Variants in VWDE observed in about 807,000 individuals in gnomAD.
VWDE encodes von Willebrand factor D and EGF domain-containing protein.
VWDE carries 207 observed loss-of-function variants against 178.4 expected under a neutral mutation model. The ratio of observed to expected loss-of-function variants is 1.16; its 90% CI spans 1.04 to 1.30. The LOEUF (loss-of-function observed/expected upper bound fraction) is 1.30. Among genes scored for constraint, VWDE ranks in the 50% most tolerant of loss-of-function variants. The pLI is 0.00. For synonymous variants in VWDE, 738 were observed against 651.4 expected (o/e 1.13, Z -2.02); for missense variants, 2,287 against 1,901.3 (o/e 1.20, Z -3.77).
In VWDE at chr7:12,379,649, T is replaced by G. The variant is rs6949836; in HGVS notation, c.790-83A>C. On this transcript the variant is annotated intron_variant, in intron 5 of 28. Transcript: ENST00000275358. ...AATTATCACTTTTAAAATCCTAAAT[T>G]TAATTCTTCATAGATAGTATATAAA... 9.6e-5 allele frequency: 92 copies of G among 956,628 alleles called. No individual in the cohort carries two copies. In the African/African-American group the frequency reaches 1.4e-3, roughly 14 times the overall value. 59.3% of individuals were successfully genotyped at this position (956,628 alleles called of 1,614,324 possible).
intron 28 of VWDE, among the ~76,000 whole-genome samples, chr7:12,331,423 C>T (rs1193068036): frequency 2.0e-5 from 3 of 152,106 alleles, no homozygotes; most frequent in Admixed American, 6.6e-5. Flanking sequence ...GTGATTCCAT[C>T]GTGGCAAAAT....
At chr7:12,332,607 T>C (rs1384942525) in intron 28 of VWDE, among the ~76,000 whole-genome samples, 1 of 152,184 alleles carries the variant, frequency 6.6e-6, no homozygotes, top group African/African-American at 2.4e-5. Context: ...CTCAAGCTTT[T>C]ATTTTTATTT....
chr7:12,376,696 C>T (rs1381619400), intron 7 of VWDE, among the ~76,000 whole-genome samples: 4 of 151,958 alleles, frequency 2.6e-5, no homozygotes, highest in Non-Finnish European at 4.4e-5. Context: ...TCAAATAGTC[C>T]GAGAGAGGGT....
chr7:12,335,903 G>C (rs1407938047), intron 27 of VWDE, among the ~76,000 whole-genome samples: 1 of 152,080 alleles, frequency 6.6e-6, no homozygotes, highest in Admixed American at 6.5e-5. Flanking sequence ...GTAATCCACA[G>C]ACCATAATTT....
At chr7:12,387,942 A>T (rs570534303) in intron 3 of VWDE, among the ~76,000 whole-genome samples, 1 of 152,306 alleles carries the variant, frequency 6.6e-6, no homozygotes, top group African/African-American at 2.4e-5. Context: ...AAATGTTAAC[A>T]TATTACAAAG....
intron 3 of VWDE, among the ~76,000 whole-genome samples, chr7:12,386,806 A>T (rs1338985845): frequency 6.6e-6 from 1 of 152,146 alleles, no homozygotes; most frequent in Admixed American, 6.6e-5. Flanking sequence ...TGCAATTTAT[A>T]ATTGCATGAA....
chr7:12,394,946 A>AGG (rs1784555305), intron 1 of VWDE, among the ~76,000 whole-genome samples: 1 of 152,198 alleles, frequency 6.6e-6, no homozygotes, highest in Non-Finnish European at 1.5e-5. Context: ...CTAATTTACA[A>AGG]GTGGATCTCA....
At chr7:12,357,235 C>T (rs910275347) in intron 17 of VWDE, 30 bp downstream of exon 17, 4 of 1,540,926 alleles carry the variant, frequency 2.6e-6, no homozygotes, top group Non-Finnish European at 8.8e-7. Flanking sequence ...CAAAAGAATC[C>T]AGTGGCACTT....
intron 1 of VWDE, among the ~76,000 whole-genome samples, chr7:12,402,850 G>A (rs1784971319): frequency 6.6e-6 from 1 of 151,972 alleles, no homozygotes; most frequent in Non-Finnish European, 1.5e-5. Flanking sequence ...ACTATACCCT[G>A]GACTGCTATA....
At position 12,343,196 on chromosome 7, in the gene VWDE, GTTA is replaced by G; in HGVS notation, c.4079-21_4079-19del. 2 of 1,524,232 alleles carry G rather than the reference GTTA, an allele frequency of 1.3e-6. No homozygotes were observed. The highest frequency in any genetic ancestry group is 1.8e-6 in the Non-Finnish European group (2 of 1,125,914). 94.4% of individuals were successfully genotyped at this position (1,524,232 alleles called of 1,614,324 possible). A position where few individuals can be genotyped will look rare whatever the true frequency, so the allele number is the denominator to read the frequency against. On this transcript the variant is annotated intron_variant, in intron 21 of 28. Transcript: ENST00000275358. ...ACAATGTTCTGCAGAAACAGATTATGTTATTATGTCAGTTCTTAATTTTTAAAA... is the reference window on the plus strand; with the variant it reads ...ACAATGTTCTGCAGAAACAGATTATGTTATGTCAGTTCTTAATTTTTAAAA...
intron 27 of VWDE, among the ~76,000 whole-genome samples, chr7:12,334,287 T>G (rs1290940950): frequency 6.6e-6 from 1 of 152,182 alleles, no homozygotes; most frequent in Admixed American, 6.5e-5. Flanking sequence ...AAATTTTGTT[T>G]TTAAACAACA....
intron 3 of VWDE, among the ~76,000 whole-genome samples, chr7:12,387,756 A>C (rs1784175652): frequency 6.6e-6 from 1 of 152,138 alleles, no homozygotes; most frequent in Admixed American, 6.5e-5. Context: ...TTACCCATAT[A>C]ATCATCATTG....
intron 28 of VWDE, among the ~76,000 whole-genome samples, chr7:12,331,577 T>A (rs940105098): frequency 2.0e-5 from 3 of 152,170 alleles, no homozygotes; most frequent in African/African-American, 7.2e-5. Context: ...CCTCTTTCTA[T>A]TCCTCTATTG....
chr7:12,370,660 A>G lies in VWDE; in HGVS notation c.1792T>C (p.Trp598Arg), dbSNP rs1438170870. 1 of 1,550,564 alleles carries G rather than the reference A, an allele frequency of 6.4e-7. No individual in the cohort carries two copies. Among genetic ancestry groups the G allele is most frequent in the East Asian group, 2.4e-5 (1 of 40,910 alleles). Reference sequence around the variant, plus strand: ...AGTGGAAAAATAGTGTCTTACCTCCATTCATTAATAAAAGCAACATAATTG... The same window carrying G: ...AGTGGAAAAATAGTGTCTTACCTCCGTTCATTAATAAAAGCAACATAATTG... The part of the protein sequence containing the change: ...FNNYVAFINE[W>R]RILPGKSMSD... The change falls in exon 11 of 29, where the codon TGG becomes CGG. Residue 598 changes from tryptophan (W) to arginine (R), a missense_variant. Transcript: ENST00000275358.
At chr7:12,380,771 A>G in intron 4 of VWDE, 38 bp from the exon 5 acceptor site, 10 of 1,546,388 alleles carry the variant, frequency 6.5e-6, no homozygotes, top group Non-Finnish European at 8.7e-6. Flanking sequence ...TGGGAATCTT[A>G]GACAATGGAG....
Position 12,370,401 on chromosome 7 carries a change from G to C in VWDE, c.1905C>G (p.Ser635=). 1 of 1,548,954 alleles carries C rather than the reference G, an allele frequency of 6.5e-7. No individual in the cohort carries two copies. The highest frequency in any genetic ancestry group is 8.7e-7 in the Non-Finnish European group (1 of 1,146,800). ...CSLDTAAYPS[S]EDLDSVSRSE... ...ATCGAGAAACACTGTCCAGATCTTC[G>C]GAAGACGGATACGCTGCAGTGTCCA... The change falls in exon 12 of 29, where the codon TCC becomes TCG. Residue 635 remains serine (S), a synonymous_variant. Transcript: ENST00000275358.
chr7:12,344,258 T>G lies in VWDE; in HGVS notation c.4015A>C (p.Lys1339Gln). Residue 1339 changes from lysine (K) to glutamine (Q), a missense_variant, in exon 21 of 29, where the codon AAA (lysine) becomes CAA (glutamine). Coordinates refer to ENST00000275358, the MANE Select transcript of VWDE (RefSeq NM_001135924.3). Reference sequence around the variant, plus strand: ...TGACAAATGTTAGGCTTAATACATTTTCCATGGTTTTTGCAATCAGGGTCA... The same window carrying G: ...TGACAAATGTTAGGCTTAATACATTGTCCATGGTTTTTGCAATCAGGGTCA... The part of the protein sequence containing the change: ...LCDPDCKNHG[K>Q]CIKPNICQCL... 6.4e-7 allele frequency: 1 copy of G among 1,551,212 alleles called. No individual in the cohort carries two copies. Among genetic ancestry groups the G allele is most frequent in the Admixed American group, 2.0e-5 (1 of 50,952 alleles).
intron 10 of VWDE, among the ~76,000 whole-genome samples, chr7:12,371,992 T>G (rs529186403): frequency 9.9e-4 from 150 of 152,178 alleles, no homozygotes; most frequent in African/African-American, 3.4e-3. Flanking sequence ...TAGGTGCAGG[T>G]TATATATGAT....
Position 12,340,401 on chromosome 7 carries a change from G to C in VWDE, c.4287C>G (p.Val1429=). ...TATTACACGAACCACCATTGAGGCA[G>C]ACAGGGTCGCACAAAGCTAATAAAC... The part of the protein sequence containing the change: ...PTCSTALCDP[V]CLNGGSCNKP... The change falls in exon 24 of 29, where the codon GTC becomes GTG. Residue 1429 remains valine, a synonymous_variant. Transcript: ENST00000275358. 2 of 1,551,318 alleles carry C rather than the reference G, an allele frequency of 1.3e-6. No individual in the cohort carries two copies. Among genetic ancestry groups the C allele is most frequent in the Non-Finnish European group, 1.7e-6 (2 of 1,146,752 alleles).
Sources: allele counts gnomAD v4.1 joint callset (sites outside exome capture counted in the v4.1 genomes callset), GRCh38; gene constraint gnomAD v4.1.1; transcripts MANE v1.5; gene names NCBI Gene and HGNC (gene_info 2026-07-23, HGNC 2026-07-21).